The following RIT2 variants were observed in gnomAD, a reference collection of about 807,000 sequenced individuals.
The protein encoded by RIT2 is Ras like without CAAX 2.
Under a neutral mutation model 23.7 loss-of-function variants are expected in RIT2, and 24 were observed. The observed-to-expected ratio is 1.01, with a 90% confidence interval of 0.73 to 1.43. RIT2 has a LOEUF of 1.43. Ranked by LOEUF, RIT2 falls within the 40% of genes most tolerant of loss-of-function variation. The probability of loss-of-function intolerance (pLI) is 0.00; values close to 1 mark genes in which losing one functional copy is unlikely to be tolerated. For missense variants in RIT2, 236 were observed against 266.9 expected (o/e 0.88, Z 0.81); for synonymous variants, 107 against 91.1 (o/e 1.17, Z -0.99).
chr18:42,999,819 G>A (rs1911063683), intron 2 of RIT2, among the ~76,000 whole-genome samples: 1 of 152,022 alleles, frequency 6.6e-6, no homozygotes, highest in African/African-American at 2.4e-5. Flanking sequence ...CCGAAGAATG[G>A]CAAAAACGGC....
chr18:42,864,055 C>A (rs879453426), intron 4 of RIT2, among the ~76,000 whole-genome samples: 7 of 144,078 alleles, frequency 4.9e-5, no homozygotes, highest in South Asian at 4.4e-4. Context: ...AAAAAAAAAA[C>A]GATATGAAAT....
intron 1 of RIT2, among the ~76,000 whole-genome samples, chr18:43,058,578 T>C (rs1188013041): frequency 6.6e-6 from 1 of 152,080 alleles, no homozygotes; most frequent in Non-Finnish European, 1.5e-5. Flanking sequence ...CATTGAAAAT[T>C]CAAGTCTATA....
chr18:43,056,063 G>T (rs2144315725), intron 1 of RIT2, among the ~76,000 whole-genome samples: 1 of 152,090 alleles, frequency 6.6e-6, no homozygotes, highest in East Asian at 1.9e-4. Context: ...TATGTACAGG[G>T]TCCAGTCCTG....
chr18:43,031,986 A>G (rs1340276821), intron 2 of RIT2, among the ~76,000 whole-genome samples: 1 of 152,062 alleles, frequency 6.6e-6, no homozygotes, highest in Non-Finnish European at 1.5e-5. Flanking sequence ...TCAGACTTTT[A>G]CCTTCTGCAA....
chr18:42,986,704 G>A (rs1910718474), intron 2 of RIT2, among the ~76,000 whole-genome samples: 1 of 151,896 alleles, frequency 6.6e-6, no homozygotes, highest in African/African-American at 2.4e-5. Flanking sequence ...GTTTCACCAT[G>A]TTGGTCAGGC....
intron 4 of RIT2, among the ~76,000 whole-genome samples, chr18:42,758,439 T>C (rs1020990648): frequency 2.6e-5 from 4 of 152,100 alleles, no homozygotes; most frequent in African/African-American, 7.2e-5. Context: ...CTTACTTCAA[T>C]TCCTCTCCTT....
intron 1 of RIT2, among the ~76,000 whole-genome samples, chr18:43,059,555 A>G (rs746222122): frequency 5.9e-5 from 9 of 152,168 alleles, no homozygotes; most frequent in Non-Finnish European, 1.2e-4. Context: ...TTATCTCTCC[A>G]TCTATCTAAA....
Position 43,073,974 on chromosome 18 carries a change from A to G in RIT2, c.104-40107T>C, listed in dbSNP as rs150557298. On this transcript the variant is annotated intron_variant, in intron 1 of 4. Coordinates refer to ENST00000326695, the MANE Select transcript of RIT2 (RefSeq NM_002930.4). Reference sequence around the variant, plus strand: ...TTGTTATCAATGACATAGTGGGAGGAACAGGTGGATTCCTCCCACCTGTTG... The same window carrying G: ...TTGTTATCAATGACATAGTGGGAGGGACAGGTGGATTCCTCCCACCTGTTG... 3.5e-3 allele frequency among the ~76,000 whole-genome samples: 538 copies of G among 152,220 alleles called. 4 individuals are homozygous for G. The highest frequency in any genetic ancestry group is 0.013 in the African/African-American group (521 of 41,542).
intron 2 of RIT2, among the ~76,000 whole-genome samples, chr18:43,016,347 T>C (rs1911474718): frequency 6.6e-6 from 1 of 151,840 alleles, no homozygotes; most frequent in South Asian, 2.1e-4. Flanking sequence ...TAGTTAATTT[T>C]AGCTTCAAAA....
intron 1 of RIT2, among the ~76,000 whole-genome samples, chr18:43,049,972 C>CTTTTTTTTTTTTTTTTTTTT (rs755291383): frequency 3.0e-5 from 2 of 66,014 alleles, no homozygotes; most frequent in Non-Finnish European, 5.1e-5. Flanking sequence ...AAGGGATTTC[C>CTTTTTTTTTTTTTTTTTTTT]TTTTTTTTTT....
chr18:43,076,425 G>GA (rs1396844143), intron 1 of RIT2, among the ~76,000 whole-genome samples: 7 of 151,650 alleles, frequency 4.6e-5, no homozygotes, highest in African/African-American at 1.4e-4. Flanking sequence ...CAGTGAACAG[G>GA]AAAAAAAGCA....
At chr18:43,013,797 A>T (rs1392088250) in intron 2 of RIT2, among the ~76,000 whole-genome samples, 3 of 151,728 alleles carry the variant, frequency 2.0e-5, no homozygotes, top group Non-Finnish European at 4.4e-5. Context: ...GTGTAAAGAC[A>T]AAAGGAAAAC....
At chr18:43,047,214 T>G (rs916278718) in intron 1 of RIT2, among the ~76,000 whole-genome samples, 19 of 152,056 alleles carry the variant, frequency 1.2e-4, no homozygotes, top group African/African-American at 4.3e-4. Flanking sequence ...TGCTTATATC[T>G]CTCCCTTTTT....
chr18:43,045,005 C>T (rs1310661792), intron 1 of RIT2, among the ~76,000 whole-genome samples: 1 of 152,126 alleles, frequency 6.6e-6, no homozygotes, highest in Non-Finnish European at 1.5e-5. Context: ...TATTTATTTG[C>T]TGTATGCTGA....
intron 4 of RIT2, among the ~76,000 whole-genome samples, chr18:42,748,020 AAAAC>A (rs1912958509): frequency 6.6e-6 from 1 of 152,168 alleles, no homozygotes; most frequent in African/African-American, 2.4e-5. Context: ...AAATGCAACA[AAAAC>A]AAAGATAAAT....
intron 4 of RIT2, among the ~76,000 whole-genome samples, chr18:42,863,174 T>G (rs1162755268): frequency 6.6e-6 from 1 of 152,146 alleles, no homozygotes; most frequent in Non-Finnish European, 1.5e-5. Context: ...GGTCACAGAT[T>G]ATAGAATTTA....
chr18:42,873,696 T>C (rs1907676606), intron 4 of RIT2, among the ~76,000 whole-genome samples: 1 of 152,094 alleles, frequency 6.6e-6, no homozygotes, highest in South Asian at 2.1e-4. Flanking sequence ...GAAGGAATAT[T>C]CAAGATGATA....
chr18:42,804,708 G>T (rs1905634665), intron 4 of RIT2, among the ~76,000 whole-genome samples: 1 of 151,856 alleles, frequency 6.6e-6, no homozygotes, highest in Admixed American at 6.6e-5. Flanking sequence ...AACTGTCACA[G>T]CCCACTGTGA....
At chr18:42,867,138 T>A (rs2144057664) in intron 4 of RIT2, among the ~76,000 whole-genome samples, 1 of 152,260 alleles carries the variant, frequency 6.6e-6, no homozygotes, top group East Asian at 1.9e-4. Context: ...TTGCTTTGGA[T>A]TTTTTTAGTA....
Sources: allele counts gnomAD v4.1 joint callset (sites outside exome capture counted in the v4.1 genomes callset), GRCh38; gene constraint gnomAD v4.1.1; transcripts MANE v1.5; gene names NCBI Gene and HGNC (gene_info 2026-07-23, HGNC 2026-07-21).